Variants in PRKAG2 observed in about 807,000 individuals in gnomAD.
The protein encoded by PRKAG2 is protein kinase AMP-activated non-catalytic subunit gamma 2.
Under a neutral mutation model 69.6 loss-of-function variants are expected in PRKAG2, and 26 were observed. The observed-to-expected ratio is 0.37, with a 90% CI of 0.27 to 0.52. PRKAG2 has a LOEUF of 0.52. Ranked by LOEUF, PRKAG2 falls within the 20% of genes least tolerant of loss-of-function variation. The pLI is 0.90. For missense variants in PRKAG2, 557 were observed against 740.0 expected (o/e 0.75, Z 2.87); for synonymous variants, 293 against 285.0 (o/e 1.03, Z -0.28).
chr7:151,743,103 T>C (rs2151716730), intron 3 of PRKAG2, among the ~76,000 whole-genome samples: 1 of 152,310 alleles, frequency 6.6e-6, no homozygotes, highest in Admixed American at 6.5e-5. Flanking sequence ...GCCACAACTG[T>C]GACCCTGCTC....
intron 4 of PRKAG2, among the ~76,000 whole-genome samples, chr7:151,636,575 CT>C (rs1444838508): frequency 6.6e-6 from 1 of 152,132 alleles, no homozygotes; most frequent in Non-Finnish European, 1.5e-5. Flanking sequence ...GTGGTTTCCA[CT>C]TTTTGGCTGT....
chr7:151,785,973 T>TAAAGAGAGGAAAGGAAAAGTGG (rs2076985545), intron 2 of PRKAG2, among the ~76,000 whole-genome samples: 7 of 151,760 alleles, frequency 4.6e-5, no homozygotes, highest in Non-Finnish European at 7.4e-5. Flanking sequence ...GGCGAGGAGC[T>TAAAGAGAGGAAAGGAAAAGTGG]AAAGAGAGGA....
Position 151,632,465 on chromosome 7 carries a change from T to A in PRKAG2, c.685-327A>T, listed in dbSNP as rs1462065667. On this transcript the variant is annotated intron_variant, in intron 4 of 15. Transcript: ENST00000287878. The surrounding 1 kb of genome is among the most constrained non-coding windows in gnomAD (Gnocchi z 4.2). ...CCGGGAGCTCGAGGGCGGCAGCGCC[T>A]GGGCCCGGGGCGCCCCCCTCCGGCC... is the stretch of plus-strand genomic sequence containing the variant. 1.4e-6 allele frequency: 1 copy of A among 723,192 alleles called. No homozygotes were observed. Among genetic ancestry groups the A allele is most frequent in the Non-Finnish European group, 1.7e-6 (1 of 591,372 alleles). The allele number at this position is 723,192 out of a possible 1,614,324, so 44.8% of individuals were successfully genotyped here. A position where few individuals can be genotyped will look rare whatever the true frequency, so the allele number is the denominator to read the frequency against.
Position 151,783,606 on chromosome 7 carries a change from CT to C in PRKAG2, c.187-2176del, listed in dbSNP as rs537434701. On this transcript the variant is annotated intron_variant, in intron 2 of 15. Transcript: ENST00000287878. ...CTAACTATGGGAATCAGGACAAATCCTGAGAATAAATTTACAAACAAGAGAG... is the reference window on the plus strand; with the variant it reads ...CTAACTATGGGAATCAGGACAAATCCGAGAATAAATTTACAAACAAGAGAG... 4.9e-3 allele frequency among the ~76,000 whole-genome samples: 741 copies of C among 152,120 alleles called. 2 individuals carry two copies. The highest frequency in any genetic ancestry group is 7.6e-3 in the Non-Finnish European group (514 of 68,018).
intron 1 of PRKAG2, among the ~76,000 whole-genome samples, chr7:151,795,887 A>ATATC (rs1554603183): frequency 1.2e-4 from 13 of 107,530 alleles, no homozygotes; most frequent in African/African-American, 4.3e-4. Context: ...ATATATATAT[A>ATATC]TATCACGATA....
Position 151,611,211 on chromosome 7 carries a change from C to A in PRKAG2, c.755-15757G>T, listed in dbSNP as rs115312135. 9.3e-3 allele frequency among the ~76,000 whole-genome samples: 1,423 copies of A among 152,282 alleles called. 22 individuals are homozygous for A. The highest frequency in any genetic ancestry group is 0.033 in the African/African-American group (1,373 of 41,548). On this transcript the variant is annotated intron_variant, in intron 5 of 15. Coordinates refer to ENST00000287878, the MANE Select transcript of PRKAG2 (RefSeq NM_016203.4). ...GGGTCAGAATGCCAAGGAGGACTTCCCCATCTGGAACCCACACACAGAGAG... is the reference window on the plus strand; with the variant it reads ...GGGTCAGAATGCCAAGGAGGACTTCACCATCTGGAACCCACACACAGAGAG...
intron 10 of PRKAG2, among the ~76,000 whole-genome samples, chr7:151,569,052 C>A (rs1362708634): frequency 6.6e-6 from 1 of 152,178 alleles, no homozygotes; most frequent in Non-Finnish European, 1.5e-5. Context: ...CTACAAATCT[C>A]TAGAAGAGGA....
chr7:151,589,736 C>A (rs537571613), intron 6 of PRKAG2, among the ~76,000 whole-genome samples: 2 of 152,270 alleles, frequency 1.3e-5, no homozygotes, highest in South Asian at 4.1e-4. Context: ...GAGTTTCAGG[C>A]CAGCCTGGCC....
chr7:151,792,759 C>T (rs957519473), intron 1 of PRKAG2, among the ~76,000 whole-genome samples: 10 of 152,240 alleles, frequency 6.6e-5, no homozygotes, highest in Non-Finnish European at 1.2e-4. Flanking sequence ...TTGATTCCAA[C>T]CGAGGAAGCA....
intron 3 of PRKAG2, among the ~76,000 whole-genome samples, chr7:151,693,417 C>A (rs1468200626): frequency 6.6e-6 from 1 of 152,198 alleles, no homozygotes; most frequent in Admixed American, 6.5e-5. Flanking sequence ...CCCCACCCGT[C>A]CCTCCTCCAG....
intron 1 of PRKAG2, chr7:151,810,897 C>T (rs1433387234): frequency 6.5e-6 from 1 of 153,640 alleles, no homozygotes; most frequent in Non-Finnish European, 1.5e-5. Flanking sequence ...CACGGGGCAC[C>T]GAGAAGGAAA....
rs138498178 is a variant in PRKAG2 at position 151,698,408 on chromosome 7, A to G, written c.467-22771T>C. On this transcript the variant is annotated intron_variant, in intron 3 of 15. Coordinates refer to ENST00000287878, the MANE Select transcript of PRKAG2 (RefSeq NM_016203.4). The stretch of plus-strand genomic sequence containing the variant: ...AGGTGTTTTGTCCCCTCCGAATCTC[A>G]TGTTGAAATGCGACCCCCGAGTTGA... Among the ~76,000 whole-genome samples the G allele has an allele frequency of 8.5e-3, 1,292 of 151,490 alleles. 11 individuals are homozygous for G. The highest frequency in any genetic ancestry group is 0.029 in the African/African-American group (1,217 of 41,288).
At chr7:151,581,588 T>A (rs541890364) in intron 6 of PRKAG2, among the ~76,000 whole-genome samples, 52 of 152,152 alleles carry the variant, frequency 3.4e-4, no homozygotes, top group Non-Finnish European at 5.3e-4. Flanking sequence ...TGTAATAATT[T>A]AAAAAAACCC....
At chr7:151,673,108 TG>T (rs1251748289) in intron 4 of PRKAG2, among the ~76,000 whole-genome samples, 1 of 152,148 alleles carries the variant, frequency 6.6e-6, no homozygotes, top group African/African-American at 2.4e-5. Flanking sequence ...TTCTTTCAAC[TG>T]GGAAGGCTCT....
chr7:151,608,860 G>T (rs1203262694), intron 5 of PRKAG2, among the ~76,000 whole-genome samples: 1 of 150,676 alleles, frequency 6.6e-6, no homozygotes, highest in East Asian at 1.9e-4. Flanking sequence ...ATGCACCTAT[G>T]AAAGTGCCTC....
At chr7:151,787,312 C>T (rs1054198335) in intron 1 of PRKAG2, among the ~76,000 whole-genome samples, 7 of 152,202 alleles carry the variant, frequency 4.6e-5, no homozygotes, top group African/African-American at 1.7e-4. Context: ...CCACTGTCAT[C>T]TCTAGAACCT....
At chr7:151,631,645 A>G (rs1469567714) in intron 5 of PRKAG2, 2 of 455,774 alleles carry the variant, frequency 4.4e-6, no homozygotes, top group Non-Finnish European at 8.8e-6. Flanking sequence ...TACCGGTCAT[A>G]TCTTCACAGG....
At chr7:151,819,790 G>A (rs996628317) in intron 1 of PRKAG2, among the ~76,000 whole-genome samples, 5 of 152,174 alleles carry the variant, frequency 3.3e-5, no homozygotes, top group Middle Eastern at 3.2e-3. Context: ...GTGGGATGGG[G>A]CCCCAGAGCC....
intron 3 of PRKAG2, among the ~76,000 whole-genome samples, chr7:151,723,402 C>G (rs1403735320): frequency 6.6e-6 from 1 of 152,186 alleles, no homozygotes; most frequent in Admixed American, 6.5e-5. Context: ...ACTTGGCCTA[C>G]ACTTCTACTT....
Sources: allele counts gnomAD v4.1 joint callset (sites outside exome capture counted in the v4.1 genomes callset), GRCh38; gene constraint gnomAD v4.1.1; non-coding constraint Gnocchi (gnomAD v3.1); transcripts MANE v1.5; gene names NCBI Gene and HGNC (gene_info 2026-07-23, HGNC 2026-07-21).